Variants in OTOGL observed in about 807,000 individuals in gnomAD.
The protein encoded by OTOGL is otogelin-like protein.
In OTOGL, 285 loss-of-function variants were observed where a neutral mutation model predicts 318.5. The observed-to-expected ratio is 0.89, with a 90% CI of 0.81 to 0.99. OTOGL has a LOEUF of 0.99. OTOGL is among the 50% of genes least tolerant of loss of function. OTOGL has a pLI of 0.00. For synonymous variants in OTOGL, 987 were observed against 936.5 expected (o/e 1.05, Z -0.99); for missense variants, 2,899 against 2,845.6 (o/e 1.02, Z -0.43).
At chr12:80,144,055 T>A (rs187842458) in intron 1 of OTOGL, among the ~76,000 whole-genome samples, 4 of 152,128 alleles carry the variant, frequency 2.6e-5, no homozygotes, top group African/African-American at 7.2e-5. Flanking sequence ...TTCTTTTTTT[T>A]TTTTTCTTTT....
At chr12:80,311,604 G>A (rs1055909065) in intron 30 of OTOGL, among the ~76,000 whole-genome samples, 8 of 152,014 alleles carry the variant, frequency 5.3e-5, no homozygotes, top group Non-Finnish European at 1.0e-4. Context: ...ACCGGGTCTC[G>A]CCATGTTGGC....
chr12:80,213,636 A>C (rs138367485), intron 4 of OTOGL, among the ~76,000 whole-genome samples: 1 of 152,260 alleles, frequency 6.6e-6, no homozygotes, highest in Non-Finnish European at 1.5e-5. Flanking sequence ...GATATACTTA[A>C]GTGTCAAATT....
intron 19 of OTOGL, 60 bp from the exon 20 acceptor site, chr12:80,264,941 G>C (rs1882829015): frequency 9.3e-6 from 14 of 1,509,688 alleles, no homozygotes; most frequent in Non-Finnish European, 5.5e-6. Context: ...TGAAATGCTT[G>C]GATAATTCTG....
At chr12:80,131,346 A>G (rs1233594880) in intron 1 of OTOGL, among the ~76,000 whole-genome samples, 4 of 152,214 alleles carry the variant, frequency 2.6e-5, no homozygotes, top group Non-Finnish European at 4.4e-5. Flanking sequence ...CCAAGAGTAT[A>G]CATGCTGGAG....
chr12:80,239,460 T>C, intron 11 of OTOGL, 21 bp downstream of exon 11: 8 of 1,489,524 alleles, frequency 5.4e-6, no homozygotes, highest in South Asian at 1.3e-5. Flanking sequence ...TGACTTGTAG[T>C]TGTAATAAAA....
At chr12:80,176,924 G>T (rs1195543541) in intron 1 of OTOGL, among the ~76,000 whole-genome samples, 1 of 151,924 alleles carries the variant, frequency 6.6e-6, no homozygotes, top group African/African-American at 2.4e-5. Flanking sequence ...TGGTAATTTT[G>T]ATTTTAACCC....
intron 24 of OTOGL, among the ~76,000 whole-genome samples, chr12:80,273,342 A>G (rs189293284): frequency 1.3e-5 from 2 of 152,202 alleles, no homozygotes; most frequent in East Asian, 3.9e-4. Context: ...GACTTGTTTC[A>G]TGTGGCTCCT....
intron 30 of OTOGL, among the ~76,000 whole-genome samples, chr12:80,311,279 T>A (rs1886618812): frequency 6.6e-6 from 1 of 152,246 alleles, no homozygotes; most frequent in African/African-American, 2.4e-5. Context: ...GCTATGCCAG[T>A]GGTCTTGAGG....
chr12:80,274,169 G>C (rs766039672), intron 24 of OTOGL, among the ~76,000 whole-genome samples: 27 of 152,056 alleles, frequency 1.8e-4, no homozygotes, highest in Non-Finnish European at 3.8e-4. Flanking sequence ...ATTAGATTTA[G>C]TGAGGAAGGC....
chr12:80,178,189 T>C (rs1874669223), intron 1 of OTOGL, among the ~76,000 whole-genome samples: 2 of 150,878 alleles, frequency 1.3e-5, no homozygotes, highest in Non-Finnish European at 3.0e-5. Context: ...GCCACCCAAG[T>C]AGCTGGGATT....
At chr12:80,263,165 C>G (rs1417700509) in intron 19 of OTOGL, among the ~76,000 whole-genome samples, 1 of 152,026 alleles carries the variant, frequency 6.6e-6, no homozygotes, top group Non-Finnish European at 1.5e-5. Context: ...AATAACACGG[C>G]TAGACTAGAG....
chr12:80,273,383 G>A (rs1883556796), intron 24 of OTOGL, among the ~76,000 whole-genome samples: 1 of 151,948 alleles, frequency 6.6e-6, no homozygotes, highest in Admixed American at 6.6e-5. Context: ...GACTGTAAAA[G>A]GACCACATAA....
At chr12:80,328,391 T>C (rs1240812927) in intron 35 of OTOGL, among the ~76,000 whole-genome samples, 1 of 152,154 alleles carries the variant, frequency 6.6e-6, no homozygotes, top group Non-Finnish European at 1.5e-5. Flanking sequence ...CACTGACTTA[T>C]GGAACAGGGA....
chr12:80,276,912 G>A (rs976079948), intron 24 of OTOGL, among the ~76,000 whole-genome samples: 2 of 151,518 alleles, frequency 1.3e-5, no homozygotes, highest in African/African-American at 4.8e-5. Flanking sequence ...ACAGCCATGA[G>A]AGAGAAAGCA....
At chr12:80,149,312 G>A (rs4405384) in intron 1 of OTOGL, among the ~76,000 whole-genome samples, 5 of 150,628 alleles carry the variant, frequency 3.3e-5, no homozygotes, top group South Asian at 2.1e-4. Context: ...AGTACCCTGC[G>A]GTGTGAGGTG....
chr12:80,261,946 T>C, intron 18 of OTOGL, 23 bp from the exon 19 acceptor site: 1 of 1,606,920 alleles, frequency 6.2e-7, no homozygotes, highest in South Asian at 1.1e-5. Context: ...TACATGAAGA[T>C]GAGCATTGTC....
intron 8 of OTOGL, among the ~76,000 whole-genome samples, chr12:80,231,932 C>A (rs929617957): frequency 9.9e-5 from 15 of 151,990 alleles, no homozygotes; most frequent in African/African-American, 3.1e-4. Context: ...CCACCGAGCC[C>A]AGCTGACATG....
intron 1 of OTOGL, among the ~76,000 whole-genome samples, chr12:80,199,710 T>A (rs1055742551): frequency 6.6e-6 from 1 of 152,130 alleles, no homozygotes; most frequent in Non-Finnish European, 1.5e-5. Flanking sequence ...CTTCTAGGAG[T>A]CTCTGTTCTC....
intron 1 of OTOGL, chr12:80,131,100 AG>A (rs1216073933): frequency 1.3e-5 from 2 of 152,250 alleles, no homozygotes; most frequent in African/African-American, 4.8e-5. Flanking sequence ...CTTAAGAAGT[AG>A]GAGGCACAGC....
Sources: gnomAD v4.1 joint callset for allele counts (sites outside exome capture counted in the v4.1 genomes callset) on GRCh38, gnomAD v4.1.1 for gene constraint, MANE v1.5 for transcripts, NCBI Gene and HGNC (gene_info 2026-07-23, HGNC 2026-07-21) for gene names.